The following CELSR1 variants were observed in gnomAD, a reference collection of about 807,000 sequenced individuals.
CELSR1 encodes adhesion G protein-coupled receptor C1.
In CELSR1, 110 loss-of-function variants were observed where a neutral mutation model predicts 249.1. The observed-to-expected ratio is 0.44, with a 90% CI of 0.38 to 0.52. The LOEUF (loss-of-function observed/expected upper bound fraction) is 0.52. Among genes scored for constraint, CELSR1 ranks in the 20% least tolerant of loss-of-function variants. The pLI is 0.00. For synonymous variants in CELSR1, 2,113 were observed against 1,900.0 expected (o/e 1.11, Z -2.92); for missense variants, 4,109 against 4,296.4 (o/e 0.96, Z 1.22).
chr22:46,511,702 G>T (rs2080575626), intron 1 of CELSR1, among the ~76,000 whole-genome samples: 1 of 152,170 alleles, frequency 6.6e-6, no homozygotes, highest in African/African-American at 2.4e-5. Flanking sequence ...GACACCCCAG[G>T]GGGTGATGTG....
At chr22:46,377,436 G>A (rs948453709) in intron 23 of CELSR1, 175 bp from the exon 24 acceptor site, 2 of 687,930 alleles carry the variant, frequency 2.9e-6, no homozygotes, top group African/African-American at 1.8e-5. Flanking sequence ...TGCCCCTCCT[G>A]AGGCTCCTTC....
At position 46,440,137 on chromosome 22, in the gene CELSR1, A is replaced by G; in HGVS notation, c.4184-726T>C. 6.6e-6 allele frequency among the ~76,000 whole-genome samples: 1 copy of G among 152,026 alleles called. No individual in the cohort carries two copies. Among genetic ancestry groups the G allele is most frequent in the African/African-American group, 2.4e-5 (1 of 41,398 alleles). On this transcript the variant is annotated intron_variant, in intron 2 of 34. Coordinates refer to ENST00000674500, the MANE Select transcript of CELSR1 (RefSeq NM_001378328.1). This position sits in a 1 kb window ranked among gnomAD's most constrained non-coding sequence, Gnocchi z 4.7. Reference sequence around the variant, plus strand: ...AAACCAGCCAGGCAGCCCACAGCACACTGCCTCTCTCCATCCGCCCTCAGA... The same window carrying G: ...AAACCAGCCAGGCAGCCCACAGCACGCTGCCTCTCTCCATCCGCCCTCAGA...
intron 2 of CELSR1, among the ~76,000 whole-genome samples, chr22:46,443,759 C>T (rs977479689): frequency 7.2e-5 from 11 of 152,398 alleles, no homozygotes; most frequent in Admixed American, 1.3e-4. Flanking sequence ...GCTGCACACT[C>T]ATATGAGCAA....
rs552819131 is a variant in CELSR1 at position 46,433,832 on chromosome 22, C to T, written c.4523-351G>A. ...CCTGAGTAGCTGGGATTACAGGCAC[C>T]CACCACCACACCCGGCTAATTTTTG... On this transcript the variant is annotated intron_variant, in intron 4 of 34. Coordinates refer to ENST00000674500, the MANE Select transcript of CELSR1 (RefSeq NM_001378328.1). This position sits in a 1 kb window ranked among gnomAD's most constrained non-coding sequence, Gnocchi z 5.7. Among the ~76,000 whole-genome samples, 2 of 152,066 alleles carry T rather than the reference C, an allele frequency of 1.3e-5. No homozygotes were observed. Among genetic ancestry groups the T allele is most frequent in the Non-Finnish European group, 2.9e-5 (2 of 67,998 alleles).
chr22:46,434,911 C>T lies in CELSR1; in HGVS notation c.4522+1263G>A, dbSNP rs1458726902. On this transcript the variant is annotated intron_variant, in intron 4 of 34. Transcript: ENST00000674500. The surrounding 1 kb of genome is among the most constrained non-coding windows in gnomAD (Gnocchi z 4.9). ...ACTGGAGAGGCTGAGGCATGAGAATCGCTTGAACCTGGGAGGTGGAGGTCG... is the reference window on the plus strand; with the variant it reads ...ACTGGAGAGGCTGAGGCATGAGAATTGCTTGAACCTGGGAGGTGGAGGTCG... Among the ~76,000 whole-genome samples the T allele has an allele frequency of 5.3e-5, 8 of 151,980 alleles. No individual in the cohort carries two copies. The highest frequency in any genetic ancestry group is 1.5e-4 in the African/African-American group (6 of 41,378).
At position 46,399,763 on chromosome 22, in the gene CELSR1, T is replaced by A. The variant is rs751270703; in HGVS notation, c.5366A>T (p.Glu1789Val). Residue 1789 changes from glutamate to valine, a missense_variant, in exon 10 of 35, where the codon GAG (glutamate) becomes GTG (valine). Physicochemically the swap from Glu to Val is moderately radical, Grantham distance 121 (BLOSUM62 -2). This residue lies in a region of CELSR1 where 1,805 missense variants were observed against 1,831.6 expected (regional missense o/e 0.99). Coordinates refer to ENST00000674500, the MANE Select transcript of CELSR1 (RefSeq NM_001378328.1). The surrounding 1 kb of genome is among the most constrained non-coding windows in gnomAD (Gnocchi z 5.0). ...GGTCATGGTGACCAGGTGCTTCATC[T>A]CACTGTCCTCCTTAACATTCTTCAG... Reference protein sequence around the residue: ...IELKNVKEDSEMKHLVTMTLD... With the variant: ...IELKNVKEDSVMKHLVTMTLD... 1 of 1,614,058 alleles carries A rather than the reference T, an allele frequency of 6.2e-7. No individual in the cohort carries two copies. The highest frequency in any genetic ancestry group is 8.5e-7 in the Non-Finnish European group (1 of 1,179,970).
At chr22:46,513,920 G>A (rs1230805305) in intron 1 of CELSR1, among the ~76,000 whole-genome samples, 4 of 146,860 alleles carry the variant, frequency 2.7e-5, no homozygotes, top group East Asian at 1.9e-4. Flanking sequence ...AGCCCCCCCC[G>A]AGTAGCTGGG....
chr22:46,435,687 G>A (rs1036001433), intron 4 of CELSR1, among the ~76,000 whole-genome samples: 7 of 151,986 alleles, frequency 4.6e-5, no homozygotes, highest in African/African-American at 1.7e-4. Flanking sequence ...AAATAACACT[G>A]TTATGAACAT....
intron 28 of CELSR1, among the ~76,000 whole-genome samples, chr22:46,367,405 C>T (rs930482645): frequency 6.6e-6 from 1 of 152,212 alleles, no homozygotes; most frequent in African/African-American, 2.4e-5. Flanking sequence ...CCTTGGGGCC[C>T]CTCTGGGGTC....
chr22:46,497,726 G>C (rs1224215705), intron 1 of CELSR1, among the ~76,000 whole-genome samples: 4 of 151,906 alleles, frequency 2.6e-5, no homozygotes, highest in South Asian at 2.1e-4. Context: ...TGGGGGTGGG[G>C]GACACTGTTC....
chr22:46,460,211 A>ACACACACCCC (rs773925316), intron 2 of CELSR1, among the ~76,000 whole-genome samples: 196 of 148,974 alleles, frequency 1.3e-3, no homozygotes, highest in African/African-American at 4.3e-3. Context: ...ACACACACAC[A>ACACACACCCC]CACACCCATT....
chr22:46,399,861 G>A lies in CELSR1; in HGVS notation c.5268C>T (p.Pro1756=). The part of the protein sequence containing the change: ...NYLQFEVSHG[P]SDVESVMLSG... Reference sequence around the variant, plus strand: ...ACAGCATCACGGACTCCACATCGGAGGGGCCGTGGGACACCTCAAACTGGA... The same window carrying A: ...ACAGCATCACGGACTCCACATCGGAAGGGCCGTGGGACACCTCAAACTGGA... Residue 1756 remains proline (P), a synonymous_variant, in exon 10 of 35, where the codon CCC becomes CCT. Transcript: ENST00000674500. This position sits in a 1 kb window ranked among gnomAD's most constrained non-coding sequence, Gnocchi z 5.0. 1.2e-6 allele frequency: 2 copies of A among 1,614,160 alleles called. No individual in the cohort carries two copies. The highest frequency in any genetic ancestry group is 1.7e-6 in the Non-Finnish European group (2 of 1,179,994).
At position 46,396,628 on chromosome 22, in the gene CELSR1, G is replaced by C; in HGVS notation, c.5820C>G (p.His1940Gln). 9 of 1,604,884 alleles carry C rather than the reference G, an allele frequency of 5.6e-6. No individual in the cohort carries two copies. Among genetic ancestry groups the C allele is most frequent in the Non-Finnish European group, 7.7e-6 (9 of 1,175,706 alleles). Residue 1940 changes from histidine to glutamine, a missense_variant, in exon 13 of 35, where the codon CAC becomes CAG. This residue lies in a region of CELSR1 where 1,805 missense variants were observed against 1,831.6 expected (regional missense o/e 0.99). Coordinates refer to ENST00000674500, the MANE Select transcript of CELSR1 (RefSeq NM_001378328.1). The surrounding 1 kb of genome is among the most constrained non-coding windows in gnomAD (Gnocchi z 6.4). ...ACTTGTTCTCACAGTACGGCCCGTA[G>C]TGACTGGGCCCACACTCGCACACGT... ...QGYVCECGPS[H>Q]YGPYCENKLD...
chr22:46,389,544 C>G (rs773073257), intron 17 of CELSR1, 45 bp from the exon 18 acceptor site: 3 of 1,579,318 alleles, frequency 1.9e-6, no homozygotes, highest in East Asian at 2.2e-5. Context: ...CCACTTCGGC[C>G]GCTTTCAGTC....
chr22:46,469,706 G>T (rs539866249), intron 1 of CELSR1, among the ~76,000 whole-genome samples: 1 of 151,470 alleles, frequency 6.6e-6, no homozygotes, highest in East Asian at 2.0e-4. Flanking sequence ...AGTAGACGAG[G>T]TTTCACCACG....
intron 9 of CELSR1, among the ~76,000 whole-genome samples, chr22:46,403,290 T>G (rs1467440429): frequency 1.3e-5 from 2 of 151,968 alleles, no homozygotes; most frequent in Non-Finnish European, 2.9e-5. Context: ...GGCTTACACC[T>G]GTAATCCCAG....
At chr22:46,369,826 G>A in intron 25 of CELSR1, 22 bp from the exon 26 acceptor site, 1 of 1,606,726 alleles carries the variant, frequency 6.2e-7, no homozygotes, top group Non-Finnish European at 8.5e-7. Context: ...GGGGAGGAAG[G>A]GAAGGGTGAG....
chr22:46,372,806 G>A (rs2078869870), intron 25 of CELSR1, 77 bp downstream of exon 25: 1 of 1,501,504 alleles, frequency 6.7e-7, no homozygotes. Context: ...GGAAGAGAAA[G>A]GAGGGCAGCG....
At position 46,384,585 on chromosome 22, in the gene CELSR1, C is replaced by T. The variant is rs774259160; in HGVS notation, c.6841G>A (p.Val2281Ile). The change falls in exon 20 of 35, where the codon GTC becomes ATC. Residue 2281 changes from valine to isoleucine, a missense_variant. Transcript: ENST00000674500. Reference sequence around the variant, plus strand: ...CTGAAGAAGTCGGCTGGGAAGGAGACGGAGGACTCCAGCTCCCTGGGGAAC... The same window carrying T: ...CTGAAGAAGTCGGCTGGGAAGGAGATGGAGGACTCCAGCTCCCTGGGGAAC... ...EEFPRELESS[V>I]SFPADFFRPP... The T allele has an allele frequency of 3.3e-5, 54 of 1,613,308 alleles. No individual in the cohort carries two copies. The highest frequency in any genetic ancestry group is 3.8e-5 in the Non-Finnish European group (45 of 1,179,760).
Sources: gnomAD v4.1 joint callset for allele counts (sites outside exome capture counted in the v4.1 genomes callset) on GRCh38, gnomAD v4.1.1 for gene constraint, gnomAD v4.1.1 regional missense constraint, Gnocchi (gnomAD v3.1) non-coding constraint, MANE v1.5 for transcripts, NCBI Gene and HGNC (gene_info 2026-07-23, HGNC 2026-07-21) for gene names.